The following PABPC4L variants were observed in gnomAD, a reference collection of about 807,000 sequenced individuals.
PABPC4L encodes poly(A) binding protein cytoplasmic 4 like.
For synonymous variants in PABPC4L, 169 were observed against 164.1 expected (o/e 1.03, Z -0.23); for missense variants, 452 against 451.4 (o/e 1.00, Z -0.01).
At chr4:134,139,613 T>C in the PABPC4L span, among the ~76,000 whole-genome samples, 2 of 151,922 alleles carry the variant, frequency 1.3e-5, no homozygotes. Flanking sequence ...AATAGATACA[T>C]GTACAGTCAT....
chr4:134,082,590 TGTGTAAATATAAAAACTAAGAAG>T, the PABPC4L span, among the ~76,000 whole-genome samples: 2 of 152,076 alleles, frequency 1.3e-5, no homozygotes. Flanking sequence ...TATAGAAAAT[TGTGTAAATATAAAAACTAAGAAG>T]AACAAAATAA....
chr4:133,976,464 C>A, the PABPC4L span, among the ~76,000 whole-genome samples: 6 of 152,040 alleles, frequency 3.9e-5, no homozygotes, highest in South Asian at 1.0e-3. Flanking sequence ...ATATTCCTTT[C>A]GGTTTATACC....
At chr4:133,996,047 C>T in the PABPC4L span, among the ~76,000 whole-genome samples, 1 of 152,116 alleles carries the variant, frequency 6.6e-6, no homozygotes, top group Admixed American at 6.5e-5. Flanking sequence ...CTTTCTAATG[C>T]CACTTGCCTA....
the PABPC4L span, among the ~76,000 whole-genome samples, chr4:133,989,572 C>T: frequency 6.6e-6 from 1 of 152,116 alleles, no homozygotes; most frequent in Non-Finnish European, 1.5e-5. Flanking sequence ...CAAGAAAGTT[C>T]CAAACTGCCT....
the PABPC4L span, among the ~76,000 whole-genome samples, chr4:134,185,810 C>T: frequency 6.6e-6 from 1 of 152,166 alleles, no homozygotes; most frequent in East Asian, 1.9e-4. Flanking sequence ...CCAAAATCTC[C>T]TTAAGCTGAT....
chr4:134,191,048 C>A, the PABPC4L span, among the ~76,000 whole-genome samples: 1 of 152,072 alleles, frequency 6.6e-6, no homozygotes, highest in Admixed American at 6.6e-5. Context: ...TTCTTGATCC[C>A]TAGTTGAATT....
the PABPC4L span, among the ~76,000 whole-genome samples, chr4:134,011,946 T>A: frequency 6.6e-6 from 1 of 152,154 alleles, no homozygotes; most frequent in Non-Finnish European, 1.5e-5. Flanking sequence ...GTAGTCTCCC[T>A]TTTCTGTTTT....
the PABPC4L span, among the ~76,000 whole-genome samples, chr4:134,069,999 T>TTTG: frequency 6.6e-6 from 1 of 150,930 alleles, no homozygotes; most frequent in African/African-American, 2.4e-5. Flanking sequence ...TTTTTTTTTT[T>TTTG]TTTTTTGGCT....
chr4:134,030,427 A>C, the PABPC4L span, among the ~76,000 whole-genome samples: 13 of 152,176 alleles, frequency 8.5e-5, no homozygotes, highest in South Asian at 4.2e-4. Flanking sequence ...TTATTTTGTC[A>C]GTTTGTGACC....
chr4:134,020,481 A>G, the PABPC4L span, among the ~76,000 whole-genome samples: 2 of 152,096 alleles, frequency 1.3e-5, no homozygotes, highest in Non-Finnish European at 2.9e-5. Context: ...TTTAGTAAAC[A>G]TTACTCATTT....
chr4:134,085,189 A>C, the PABPC4L span, among the ~76,000 whole-genome samples: 2 of 152,048 alleles, frequency 1.3e-5, no homozygotes, highest in Non-Finnish European at 1.5e-5. Flanking sequence ...TTAGGCTTGA[A>C]AGTGGGGTTT....
chr4:134,130,656 G>T, the PABPC4L span, among the ~76,000 whole-genome samples: 1 of 151,690 alleles, frequency 6.6e-6, no homozygotes, highest in South Asian at 2.1e-4. Flanking sequence ...GAGAAATAAA[G>T]AATCCTTCCT....
chr4:134,033,046 G>C, the PABPC4L span, among the ~76,000 whole-genome samples: 1 of 143,460 alleles, frequency 7.0e-6, no homozygotes, highest in East Asian at 2.0e-4. Context: ...TTAACAAATT[G>C]AAGGTTTATG....
chr4:133,955,193 G>A, the PABPC4L span, among the ~76,000 whole-genome samples: 1 of 151,730 alleles, frequency 6.6e-6, no homozygotes, highest in East Asian at 1.9e-4. Flanking sequence ...ATTTGTTTCA[G>A]TTTACTCATG....
At chr4:133,964,492 C>A in the PABPC4L span, among the ~76,000 whole-genome samples, 6 of 151,854 alleles carry the variant, frequency 4.0e-5, no homozygotes, top group Admixed American at 6.6e-5. Context: ...CCCTAATACC[C>A]AAATTAGGAA....
chr4:134,026,370 G>A, the PABPC4L span, among the ~76,000 whole-genome samples: 1 of 151,698 alleles, frequency 6.6e-6, no homozygotes, highest in Non-Finnish European at 1.5e-5. Context: ...CGAGTAGCTG[G>A]GACTACAGGT....
At chr4:134,165,352 C>CTGGG in the PABPC4L span, among the ~76,000 whole-genome samples, 1 of 152,076 alleles carries the variant, frequency 6.6e-6, no homozygotes, top group African/African-American at 2.4e-5. Flanking sequence ...AGAAAACCCA[C>CTGGG]AGAATGGGAG....
the PABPC4L span, among the ~76,000 whole-genome samples, chr4:133,962,872 A>G: frequency 1.3e-5 from 2 of 152,234 alleles, no homozygotes; most frequent in East Asian, 3.8e-4. Context: ...CTTGAAACAA[A>G]TCCTGGAAAC....
chr4:134,133,636 A>G, the PABPC4L span, among the ~76,000 whole-genome samples: 2 of 151,600 alleles, frequency 1.3e-5, no homozygotes, highest in East Asian at 3.9e-4. Context: ...GAGCTAAGCT[A>G]TGAGGACGCA....
Sources: allele counts gnomAD v4.1 joint callset (sites outside exome capture counted in the v4.1 genomes callset), GRCh38; gene constraint gnomAD v4.1.1; transcripts MANE v1.5; gene names NCBI Gene and HGNC (gene_info 2026-07-23, HGNC 2026-07-21).